Variants in MECOM observed in about 807,000 individuals in gnomAD.
The protein encoded by MECOM is MDS1 and EVI1 complex locus.
Under a neutral mutation model 116.3 loss-of-function variants are expected in MECOM, and 13 were observed. The ratio of observed to expected loss-of-function variants is 0.11; its 90% CI spans 0.07 to 0.18. The LOEUF is 0.18. Among genes scored for constraint, MECOM ranks in the 10% least tolerant of loss-of-function variants. The probability of loss-of-function intolerance (pLI) is 1.00; values close to 1 mark genes in which losing one functional copy is unlikely to be tolerated. For synonymous variants in MECOM, 528 were observed against 535.2 expected, an observed-to-expected ratio of 0.99 and a Z score of 0.19; for missense variants, 1,299 against 1,509.0, an observed-to-expected ratio of 0.86 and a Z score of 2.31.
chr3:169,218,592 C>T (rs1325634775), intron 2 of MECOM, among the ~76,000 whole-genome samples: 1 of 152,162 alleles, frequency 6.6e-6, no homozygotes, highest in Non-Finnish European at 1.5e-5. Context: ...TCAGAAAAGC[C>T]TGTAACCTGT....
chr3:169,446,933 T>C (rs1342898946), intron 1 of MECOM, among the ~76,000 whole-genome samples: 1 of 152,210 alleles, frequency 6.6e-6, no homozygotes, highest in African/African-American at 2.4e-5. Context: ...GTTCACTAAG[T>C]GGAAAATTAA....
At chr3:169,421,705 C>T (rs1417633186) in intron 1 of MECOM, among the ~76,000 whole-genome samples, 2 of 151,240 alleles carry the variant, frequency 1.3e-5, no homozygotes, top group Admixed American at 6.6e-5. Flanking sequence ...AAAAACAAAA[C>T]GATTTCTTAC....
intron 1 of MECOM, among the ~76,000 whole-genome samples, chr3:169,603,210 C>T (rs12494724): frequency 0.64 from 96,625 of 151,988 alleles, 31,010 homozygotes; most frequent in East Asian, 0.74. Context: ...CCTGACCCTG[C>T]GTAGGCCTAG....
chr3:169,424,199 A>G (rs1740252795), intron 1 of MECOM, among the ~76,000 whole-genome samples: 2 of 152,112 alleles, frequency 1.3e-5, no homozygotes, highest in South Asian at 4.1e-4. Context: ...CAAGAGCTCA[A>G]TTTCTTAGTC....
At chr3:169,574,826 TA>T (rs79191103) in intron 1 of MECOM, among the ~76,000 whole-genome samples, 13,136 of 129,288 alleles carry the variant, frequency 0.1, 1,352 homozygotes, top group African/African-American at 0.28. Context: ...CCTGTATTTA[TA>T]AAAAAAAAAA....
intron 9 of MECOM, among the ~76,000 whole-genome samples, chr3:169,111,366 C>T (rs1288859417): frequency 1.3e-5 from 2 of 151,952 alleles, no homozygotes; most frequent in South Asian, 2.1e-4. Flanking sequence ...TTAATGTATA[C>T]ATGAATATTA....
At chr3:169,329,458 CAAGT>C (rs149870511) in intron 2 of MECOM, among the ~76,000 whole-genome samples, 7 of 152,268 alleles carry the variant, frequency 4.6e-5, no homozygotes, top group Non-Finnish European at 1.0e-4. Context: ...TGTGGGCAAG[CAAGT>C]GCCTGTTTGT....
intron 1 of MECOM, among the ~76,000 whole-genome samples, chr3:169,434,238 T>C (rs950992335): frequency 1.3e-5 from 2 of 152,200 alleles, no homozygotes; most frequent in African/African-American, 4.8e-5. Context: ...AAGCATACTT[T>C]AGAAGCAAGC....
intron 2 of MECOM, among the ~76,000 whole-genome samples, chr3:169,179,403 G>T (rs12631440): frequency 0.081 from 12,276 of 152,196 alleles, 715 homozygotes; most frequent in East Asian, 0.29. Context: ...TCTAAGATTT[G>T]CTGTGATGTG....
chr3:169,643,176 G>A (rs1773714847), intron 1 of MECOM, among the ~76,000 whole-genome samples: 1 of 152,176 alleles, frequency 6.6e-6, no homozygotes. Flanking sequence ...AAGCAAACCA[G>A]ATTGTCATTT....
chr3:169,615,678 G>A (rs1052351337), intron 1 of MECOM, among the ~76,000 whole-genome samples: 1 of 152,136 alleles, frequency 6.6e-6, no homozygotes, highest in Non-Finnish European at 1.5e-5. Context: ...ATAGCCAGGA[G>A]GCATTCCACT....
chr3:169,528,894 C>T (rs1758256254), intron 1 of MECOM, among the ~76,000 whole-genome samples: 1 of 152,192 alleles, frequency 6.6e-6, no homozygotes, highest in South Asian at 2.1e-4. Context: ...TCTGGTACCT[C>T]TAACATTCGT....
intron 2 of MECOM, among the ~76,000 whole-genome samples, chr3:169,332,891 C>T (rs1337126309): frequency 1.3e-5 from 2 of 151,884 alleles, no homozygotes; most frequent in Non-Finnish European, 2.9e-5. Flanking sequence ...CTATGCTAAC[C>T]CATGCATGGA....
At position 169,263,031 on chromosome 3, in the gene MECOM, A is replaced by C. The variant is rs568491253; in HGVS notation, c.375+118156T>G. On this transcript the variant is annotated intron_variant, in intron 2 of 16. Transcript: ENST00000651503. ...GAAAACCCATTAATTACCTTAAACAATGAGCTGAACTTAAACTAGCTATTT... is the reference window on the plus strand; with the variant it reads ...GAAAACCCATTAATTACCTTAAACACTGAGCTGAACTTAAACTAGCTATTT... Among the ~76,000 whole-genome samples, 189 of 136,164 alleles carry C rather than the reference A, an allele frequency of 1.4e-3. 2 individuals carry two copies. The highest frequency in any genetic ancestry group is 4.9e-3 in the African/African-American group (182 of 36,794). 89.3% of individuals were successfully genotyped at this position (136,164 alleles called of 152,430 possible).
chr3:169,396,448 TACA>T (rs1335776267), intron 1 of MECOM, among the ~76,000 whole-genome samples: 2 of 152,220 alleles, frequency 1.3e-5, no homozygotes, highest in Non-Finnish European at 2.9e-5. Context: ...AAACACTTGA[TACA>T]ACAAGTAAAA....
At chr3:169,468,390 T>C (rs1284110148) in intron 1 of MECOM, among the ~76,000 whole-genome samples, 2 of 152,226 alleles carry the variant, frequency 1.3e-5, no homozygotes. Flanking sequence ...TTCACAGCAC[T>C]AATCAGGGCT....
At chr3:169,505,134 T>A (rs1245913447) in intron 1 of MECOM, among the ~76,000 whole-genome samples, 1 of 152,210 alleles carries the variant, frequency 6.6e-6, no homozygotes, top group Non-Finnish European at 1.5e-5. Flanking sequence ...CCTCTATTTA[T>A]AATCTCAGTA....
At chr3:169,187,291 C>T (rs1746911304) in intron 2 of MECOM, among the ~76,000 whole-genome samples, 2 of 152,152 alleles carry the variant, frequency 1.3e-5, no homozygotes, top group African/African-American at 4.8e-5. Context: ...TAACCAAACG[C>T]TATTGAAACA....
intron 1 of MECOM, among the ~76,000 whole-genome samples, chr3:169,431,655 G>A (rs1406520455): frequency 1.3e-5 from 2 of 152,140 alleles, no homozygotes; most frequent in Non-Finnish European, 2.9e-5. Context: ...TATTTTCCAT[G>A]GTAAATACAA....
Sources: allele counts gnomAD v4.1 joint callset (sites outside exome capture counted in the v4.1 genomes callset), GRCh38; gene constraint gnomAD v4.1.1; transcripts MANE v1.5; gene names NCBI Gene and HGNC (gene_info 2026-07-23, HGNC 2026-07-21).